The following RUNDC3B variants were observed in gnomAD, a reference collection of about 807,000 sequenced individuals.
RUNDC3B encodes RUN domain-containing protein 3B.
A neutral mutation model predicts 58.4 loss-of-function variants in RUNDC3B; 33 were observed. The ratio of observed to expected loss-of-function variants is 0.56; its 90% CI spans 0.43 to 0.75. The LOEUF (loss-of-function observed/expected upper bound fraction) is 0.75. RUNDC3B is among the 30% of genes least tolerant of loss of function. RUNDC3B has a pLI of 0.00. For missense variants in RUNDC3B, 501 were observed against 535.7 expected (o/e 0.94, Z 0.64); for synonymous variants, 193 against 195.2 (o/e 0.99, Z 0.10).
intron 2 of RUNDC3B, among the ~76,000 whole-genome samples, chr7:87,672,965 G>T (rs925234082): frequency 1.3e-5 from 2 of 152,112 alleles, no homozygotes; most frequent in African/African-American, 4.8e-5. Context: ...TGAGAGCCAT[G>T]CACACTGGCT....
chr7:87,654,839 G>A (rs1353183905), intron 2 of RUNDC3B, among the ~76,000 whole-genome samples: 2 of 151,850 alleles, frequency 1.3e-5, no homozygotes. Flanking sequence ...AATATATGAG[G>A]AACTCAATAG....
intron 1 of RUNDC3B, among the ~76,000 whole-genome samples, chr7:87,641,527 A>G (rs1822451348): frequency 6.6e-6 from 1 of 152,164 alleles, no homozygotes; most frequent in African/African-American, 2.4e-5. Flanking sequence ...GCAAGCCAAA[A>G]CAACAAAATG....
At chr7:87,828,368 CCCA>C (rs1837951263) in intron 10 of RUNDC3B, among the ~76,000 whole-genome samples, 1 of 152,078 alleles carries the variant, frequency 6.6e-6, no homozygotes, top group Non-Finnish European at 1.5e-5. Flanking sequence ...ACCCTTGCCC[CCCA>C]CCACACCTCC....
At chr7:87,820,930 A>G (rs1837386499) in intron 10 of RUNDC3B, among the ~76,000 whole-genome samples, 1 of 151,856 alleles carries the variant, frequency 6.6e-6, no homozygotes, top group African/African-American at 2.4e-5. Context: ...CACAGCCAAT[A>G]TCATACTGAA....
At chr7:87,790,178 C>CAGAGA (rs1330980047) in intron 8 of RUNDC3B, among the ~76,000 whole-genome samples, 6 of 152,176 alleles carry the variant, frequency 3.9e-5, no homozygotes, top group Non-Finnish European at 8.8e-5. Context: ...TGGCTGAACA[C>CAGAGA]AGAGAGACAC....
intron 4 of RUNDC3B, among the ~76,000 whole-genome samples, chr7:87,733,861 G>T (rs1831757003): frequency 6.6e-6 from 1 of 152,178 alleles, no homozygotes; most frequent in Non-Finnish European, 1.5e-5. Flanking sequence ...ACAGGCCACG[G>T]ACAGGTTCTG....
At chr7:87,751,042 C>G (rs1266307162) in intron 6 of RUNDC3B, among the ~76,000 whole-genome samples, 11 of 152,156 alleles carry the variant, frequency 7.2e-5, no homozygotes, top group Admixed American at 2.6e-4. Context: ...AATCCCTCTT[C>G]AATTGATTTT....
At chr7:87,772,078 A>G (rs1834314251) in intron 7 of RUNDC3B, among the ~76,000 whole-genome samples, 1 of 152,230 alleles carries the variant, frequency 6.6e-6, no homozygotes, top group Non-Finnish European at 1.5e-5. Context: ...ATTTCTACTA[A>G]GATAGATGAA....
chr7:87,661,202 A>G (rs1824674138), intron 2 of RUNDC3B, among the ~76,000 whole-genome samples: 1 of 151,976 alleles, frequency 6.6e-6, no homozygotes, highest in African/African-American at 2.4e-5. Context: ...ATGTGTAATA[A>G]TCACATCAGC....
chr7:87,709,208 G>A (rs995230340), intron 3 of RUNDC3B: 1 of 982,020 alleles, frequency 1.0e-6, no homozygotes, highest in African/African-American at 1.7e-5. Context: ...CAGGAAGCAA[G>A]ATTTTCCCTA....
At chr7:87,816,500 T>C (rs886229050) in intron 10 of RUNDC3B, among the ~76,000 whole-genome samples, 4 of 152,110 alleles carry the variant, frequency 2.6e-5, no homozygotes, top group South Asian at 2.1e-4. Context: ...GTACTTTTTT[T>C]TACCCCTGCC....
chr7:87,688,265 A>G (rs1827669774), intron 2 of RUNDC3B, among the ~76,000 whole-genome samples: 1 of 152,132 alleles, frequency 6.6e-6, no homozygotes, highest in Admixed American at 6.6e-5. Flanking sequence ...TAAATTGCAT[A>G]TGGAATAAAA....
At chr7:87,720,795 T>C (rs1480850373) in intron 4 of RUNDC3B, among the ~76,000 whole-genome samples, 2 of 151,444 alleles carry the variant, frequency 1.3e-5, no homozygotes, top group African/African-American at 2.4e-5. Context: ...AGAGACAGGG[T>C]TTCACCATGT....
chr7:87,670,495 T>C (rs1825712092), intron 2 of RUNDC3B, among the ~76,000 whole-genome samples: 1 of 152,244 alleles, frequency 6.6e-6, no homozygotes, highest in Non-Finnish European at 1.5e-5. Flanking sequence ...TACAGCCTGA[T>C]TAAAAACTCT....
At chr7:87,634,436 A>T (rs1335759819) in intron 1 of RUNDC3B, among the ~76,000 whole-genome samples, 1 of 144,262 alleles carries the variant, frequency 6.9e-6, no homozygotes, top group Non-Finnish European at 1.5e-5. Context: ...AGCCTGGCCA[A>T]CATGGTGAAA....
At chr7:87,829,408 A>T (rs930854189) in intron 10 of RUNDC3B, among the ~76,000 whole-genome samples, 3 of 152,004 alleles carry the variant, frequency 2.0e-5, no homozygotes, top group African/African-American at 7.2e-5. Context: ...ATTTTTCTGC[A>T]TATGGCTAGA....
intron 2 of RUNDC3B, among the ~76,000 whole-genome samples, chr7:87,700,006 T>A (rs1018129757): frequency 6.6e-6 from 1 of 152,150 alleles, no homozygotes; most frequent in Non-Finnish European, 1.5e-5. Context: ...GTGGGGTTTT[T>A]TTTTCTGTTT....
chr7:87,822,202 AC>A (rs1563233455), intron 10 of RUNDC3B, among the ~76,000 whole-genome samples: 1 of 152,222 alleles, frequency 6.6e-6, no homozygotes, highest in African/African-American at 2.4e-5. Context: ...CAAGAAAAAA[AC>A]AACCCCATCA....
Position 87,739,801 on chromosome 7 carries a change from G to A in RUNDC3B, c.469G>A (p.Glu157Lys). The change falls in exon 5 of 11, where the codon GAA becomes AAA. Residue 157 changes from glutamate (E) to lysine (K), a missense_variant. Physicochemically the swap from Glu to Lys is moderately conservative, Grantham distance 56 (BLOSUM62 1). Transcript: ENST00000394654. ...CATTTCATTTTTTAGGAGATTTTAT[G>A]AAGATGGAGCAATTGTCTTGGGTGA... The part of the protein sequence containing the change: ...RDFKTTRRFY[E>K]DGAIVLGEEA... 6.4e-7 allele frequency: 1 copy of A among 1,550,892 alleles called. No individual in the cohort carries two copies. Among genetic ancestry groups the A allele is most frequent in the Non-Finnish European group, 8.9e-7 (1 of 1,129,322 alleles).
Sources: gnomAD v4.1 joint callset for allele counts (sites outside exome capture counted in the v4.1 genomes callset) on GRCh38, gnomAD v4.1.1 for gene constraint, MANE v1.5 for transcripts, NCBI Gene and HGNC (gene_info 2026-07-23, HGNC 2026-07-21) for gene names.